LRMDA: variants seen among roughly 807,000 people sequenced by gnomAD.
LRMDA encodes leucine-rich melanocyte differentiation-associated protein.
A neutral mutation model predicts 29.8 loss-of-function variants in LRMDA; 18 were observed. The observed-to-expected ratio is 0.60, with a 90% CI of 0.42 to 0.90. The LOEUF (loss-of-function observed/expected upper bound fraction) is 0.90, where lower values mean the gene tolerates loss of function less well. Ranked by LOEUF, LRMDA falls within the 40% of genes least tolerant of loss-of-function variation. The pLI, the probability that LRMDA is intolerant of heterozygous loss-of-function variation, is 0.00. For missense variants in LRMDA, 273 were observed against 273.9 expected (o/e 1.00, Z 0.02); for synonymous variants, 125 against 109.4 (o/e 1.14, Z -0.89).
rs115454001 is a variant in LRMDA at position 76,227,093 on chromosome 10, C to A, written c.517-97308C>A. Among the ~76,000 whole-genome samples the A allele has an allele frequency of 2.0e-3, 308 of 152,228 alleles. 1 individual carries two copies. The highest frequency in any genetic ancestry group is 6.6e-3 in the African/African-American group (274 of 41,522). On this transcript the variant is annotated intron_variant, in intron 5 of 6. Transcript: ENST00000611255. ...CACATGATGGAGTGAATTCCCCATG[C>A]CTGTTTGCCTGAATTAGTTCAGATA...
intron 2 of LRMDA, among the ~76,000 whole-genome samples, chr10:75,611,986 G>A (rs902557111): frequency 3.9e-5 from 6 of 152,266 alleles, no homozygotes; most frequent in South Asian, 4.1e-4. Context: ...CTGCCTTAAG[G>A]TTCAGTTTTG....
intron 5 of LRMDA, among the ~76,000 whole-genome samples, chr10:76,139,643 G>A (rs141917969): frequency 3.9e-5 from 6 of 152,096 alleles, no homozygotes; most frequent in East Asian, 1.9e-4. Flanking sequence ...TTGATCCTTC[G>A]TGTACTTTCA....
intron 2 of LRMDA, among the ~76,000 whole-genome samples, chr10:75,905,280 A>G (rs1845740480): frequency 1.3e-5 from 2 of 151,118 alleles, no homozygotes; most frequent in Non-Finnish European, 2.9e-5. Context: ...CTAAAAACAA[A>G]ATGAGAATTT....
intron 2 of LRMDA, among the ~76,000 whole-genome samples, chr10:75,747,960 A>G (rs1018134724): frequency 1.3e-5 from 2 of 152,314 alleles, no homozygotes; most frequent in Middle Eastern, 3.4e-3. Context: ...TAAATAAAAA[A>G]CTAGTAGTGC....
At chr10:76,235,099 C>A (rs759424769) in intron 5 of LRMDA, among the ~76,000 whole-genome samples, 2 of 152,114 alleles carry the variant, frequency 1.3e-5, no homozygotes, top group Non-Finnish European at 2.9e-5. Flanking sequence ...CTCTTTCTTT[C>A]ACCTGAACAC....
At chr10:76,011,657 G>A (rs1410629145) in intron 2 of LRMDA, among the ~76,000 whole-genome samples, 3 of 152,178 alleles carry the variant, frequency 2.0e-5, no homozygotes, top group African/African-American at 2.4e-5. Flanking sequence ...TAACGCCTCC[G>A]AGCCTCAGTC....
At chr10:76,155,798 A>G (rs367896039) in intron 5 of LRMDA, among the ~76,000 whole-genome samples, 2 of 152,326 alleles carry the variant, frequency 1.3e-5, no homozygotes, top group African/African-American at 4.8e-5. Context: ...TATCCTGACT[A>G]TCACATTTTG....
chr10:76,266,813 C>T (rs1003395109), intron 5 of LRMDA, among the ~76,000 whole-genome samples: 2 of 152,112 alleles, frequency 1.3e-5, no homozygotes, highest in Non-Finnish European at 2.9e-5. Flanking sequence ...GAATGGATGA[C>T]AATTTGAAAC....
At chr10:75,822,986 G>C (rs760899673) in intron 2 of LRMDA, among the ~76,000 whole-genome samples, 23 of 152,160 alleles carry the variant, frequency 1.5e-4, no homozygotes, top group Non-Finnish European at 3.2e-4. Flanking sequence ...ATGAGCTCAA[G>C]ATGGATTAAA....
intron 2 of LRMDA, among the ~76,000 whole-genome samples, chr10:75,820,053 C>G: frequency 6.6e-6 from 1 of 152,070 alleles, no homozygotes; most frequent in East Asian, 1.9e-4. Flanking sequence ...AGAACCAATA[C>G]AGTAATAAGG....
At chr10:76,319,410 G>A (rs1403193559) in intron 5 of LRMDA, among the ~76,000 whole-genome samples, 3 of 152,154 alleles carry the variant, frequency 2.0e-5, no homozygotes, top group Non-Finnish European at 2.9e-5. Context: ...ACTGTTATAG[G>A]TGTTTAGATG....
intron 2 of LRMDA, among the ~76,000 whole-genome samples, chr10:75,878,299 C>G (rs1845233991): frequency 6.9e-6 from 1 of 144,752 alleles, no homozygotes; most frequent in Non-Finnish European, 1.5e-5. Flanking sequence ...AGAAGTAGCT[C>G]TCGGTGAGGT....
chr10:75,622,756 G>T (rs1276148883), intron 2 of LRMDA, among the ~76,000 whole-genome samples: 2 of 152,168 alleles, frequency 1.3e-5, no homozygotes, highest in African/African-American at 4.8e-5. Flanking sequence ...TGCTTAGCAA[G>T]TAAAATTATT....
rs558521325 is a variant in LRMDA, at chr10:75,955,087, G to A, written c.132-80921G>A. On this transcript the variant is annotated intron_variant, in intron 2 of 6. Coordinates refer to ENST00000611255, the MANE Select transcript of LRMDA (RefSeq NM_001305581.2). ...AAAATCATGCTGTATTAAAATCAAC[G>A]GCACATTAGATTCATATAATTTTAA... Among the ~76,000 whole-genome samples, 27 of 152,068 alleles carry A rather than the reference G, an allele frequency of 1.8e-4. No individual in the cohort carries two copies. The South Asian group carries it at 2.5e-3, about 14-fold the overall frequency.
chr10:75,982,889 C>A (rs1416501652), intron 2 of LRMDA, among the ~76,000 whole-genome samples: 10 of 152,142 alleles, frequency 6.6e-5, no homozygotes, highest in Non-Finnish European at 1.5e-4. Context: ...CTATTGCATA[C>A]GTTATCTTCC....
intron 2 of LRMDA, among the ~76,000 whole-genome samples, chr10:75,765,332 T>C (rs997853787): frequency 1.3e-5 from 2 of 152,020 alleles, no homozygotes; most frequent in African/African-American, 4.8e-5. Context: ...CTGAGGACAC[T>C]AGTTATTGAG....
chr10:76,473,241 G>T (rs1461010454), intron 6 of LRMDA, among the ~76,000 whole-genome samples: 1 of 150,726 alleles, frequency 6.6e-6, no homozygotes, highest in Non-Finnish European at 1.5e-5. Context: ...CATATCAGAA[G>T]AATAAAGGAC....
At chr10:75,592,929 A>C (rs1840742189) in intron 2 of LRMDA, among the ~76,000 whole-genome samples, 1 of 152,066 alleles carries the variant, frequency 6.6e-6, no homozygotes, top group African/African-American at 2.4e-5. Context: ...TTTCTTCCAG[A>C]GATTTCCTCT....
chr10:75,913,549 C>A (rs1233987998), intron 2 of LRMDA, among the ~76,000 whole-genome samples: 1 of 152,174 alleles, frequency 6.6e-6, no homozygotes, highest in Admixed American at 6.5e-5. Flanking sequence ...TCTCATAGGT[C>A]ATGCGCCCCG....
Sources: allele counts gnomAD v4.1 joint callset (sites outside exome capture counted in the v4.1 genomes callset), GRCh38; gene constraint gnomAD v4.1.1; transcripts MANE v1.5; gene names NCBI Gene and HGNC (gene_info 2026-07-23, HGNC 2026-07-21).